PKD1L1: variants seen among roughly 807,000 people sequenced by gnomAD.
The protein encoded by PKD1L1 is polycystin-1-like protein 1.
Under a neutral mutation model 323.4 loss-of-function variants are expected in PKD1L1, and 236 were observed. The observed-to-expected ratio is 0.73, with a 90% CI of 0.66 to 0.81. PKD1L1 has a LOEUF of 0.81. PKD1L1 is among the 40% of genes least tolerant of loss of function. PKD1L1 has a pLI of 0.00. For synonymous variants in PKD1L1, 1,344 were observed against 1,335.0 expected (o/e 1.01, Z -0.15); for missense variants, 3,320 against 3,508.0 (o/e 0.95, Z 1.35).
intron 31 of PKD1L1, among the ~76,000 whole-genome samples, chr7:47,851,464 G>A (rs1785781228): frequency 6.6e-6 from 1 of 152,130 alleles, no homozygotes; most frequent in African/African-American, 2.4e-5. Context: ...AAGAGAGCAA[G>A]AGTAAGACAG....
intron 46 of PKD1L1, among the ~76,000 whole-genome samples, chr7:47,820,683 C>T (rs555828748): frequency 8.6e-5 from 13 of 151,600 alleles, no homozygotes; most frequent in East Asian, 1.9e-4. Context: ...GCTGAGATGG[C>T]GCCATTGCAC....
At position 47,896,517 on chromosome 7, in the gene PKD1L1, C is replaced by T. The variant is rs1583656886; in HGVS notation, c.2271+1471G>A. Among the ~76,000 whole-genome samples, 5 of 151,770 alleles carry T rather than the reference C, an allele frequency of 3.3e-5. 1 individual carries two copies. Among genetic ancestry groups the T allele is most frequent in the Admixed American group, 3.3e-4 (5 of 15,250 alleles). The stretch of plus-strand genomic sequence containing the variant: ...TTAAGTATTTTCTGGGTCCCCTTGG[C>T]CAAGAGGGGATTTGTTTAGTTGTTT... On this transcript the variant is annotated intron_variant, in intron 14 of 56. Coordinates refer to ENST00000289672, the MANE Select transcript of PKD1L1 (RefSeq NM_138295.5).
intron 46 of PKD1L1, 109 bp from the exon 47 acceptor site, chr7:47,815,566 G>A: frequency 3.1e-6 from 4 of 1,281,652 alleles, no homozygotes; most frequent in African/African-American, 1.5e-5. Context: ...CAGATTTCAG[G>A]TACTCTGCAG....
chr7:47,835,013 C>T lies in PKD1L1; in HGVS notation c.6081G>A (p.Glu2027=), dbSNP rs1243760272. The change falls in exon 39 of 57, where the codon GAG becomes GAA. Residue 2027 remains glutamate, a synonymous_variant. Coordinates refer to ENST00000289672, the MANE Select transcript of PKD1L1 (RefSeq NM_138295.5). Reference sequence around the variant, plus strand: ...CTCCTCCTCTAAGTGGGCTGTGTGGCTCCACTCGGGCAGACCCCGGGGCTT... The same window carrying T: ...CTCCTCCTCTAAGTGGGCTGTGTGGTTCCACTCGGGCAGACCCCGGGGCTT... ...SKEAPGSARV[E]PHSPLRGGAQ... 1.2e-6 allele frequency: 2 copies of T among 1,613,860 alleles called. No homozygotes were observed. The highest frequency in any genetic ancestry group is 2.2e-5 in the East Asian group (1 of 44,884).
Position 47,898,116 on chromosome 7 carries a change from A to G in PKD1L1, c.2143T>C (p.Tyr715His). The change falls in exon 14 of 57, where the codon TAC becomes CAC. Residue 715 changes from tyrosine to histidine, a missense_variant. Physicochemically the swap from Tyr to His is moderately conservative, Grantham distance 83. Transcript: ENST00000289672. The stretch of plus-strand genomic sequence containing the variant: ...TCAGAGTCCATCAAGTTCCAGGTGT[A>G]AGAAAGACCTTGGGAAATATCACAG... ...VFCDISQGLS[Y>H]TWNLMDSEGL... 6.2e-7 allele frequency: 1 copy of G among 1,614,162 alleles called. No homozygotes were observed. Among genetic ancestry groups the G allele is most frequent in the Non-Finnish European group, 8.5e-7 (1 of 1,180,004 alleles).
At chr7:47,916,696 C>T (rs1001548401) in intron 7 of PKD1L1, among the ~76,000 whole-genome samples, 1 of 152,148 alleles carries the variant, frequency 6.6e-6, no homozygotes, top group African/African-American at 2.4e-5. Context: ...ATCTGGTAGA[C>T]TCGCTGGGTG....
intron 9 of PKD1L1, among the ~76,000 whole-genome samples, chr7:47,907,643 C>T (rs1209958771): frequency 6.6e-6 from 1 of 152,188 alleles, no homozygotes; most frequent in East Asian, 1.9e-4. Flanking sequence ...TGTTTTAGCT[C>T]AAGGCCATGC....
chr7:47,958,461 A>G, the PKD1L1 span, among the ~76,000 whole-genome samples: 2 of 152,226 alleles, frequency 1.3e-5, no homozygotes, highest in African/African-American at 2.4e-5. Context: ...AAAGACATAG[A>G]TTTAAGACCT....
At chr7:47,909,855 G>T (rs1259557055) in intron 8 of PKD1L1, among the ~76,000 whole-genome samples, 1 of 152,176 alleles carries the variant, frequency 6.6e-6, no homozygotes, top group Non-Finnish European at 1.5e-5. Context: ...GTCTATCTCT[G>T]GGGAAGAATA....
chr7:47,824,405 A>C (rs1785202649), intron 45 of PKD1L1, among the ~76,000 whole-genome samples: 2 of 152,162 alleles, frequency 1.3e-5, no homozygotes, highest in South Asian at 4.1e-4. Flanking sequence ...AGAATTCTTC[A>C]TTTCCTTTAC....
At chr7:47,957,871 A>ATATATATATATATATATATATATATT in the PKD1L1 span, among the ~76,000 whole-genome samples, 1 of 148,040 alleles carries the variant, frequency 6.8e-6, no homozygotes, top group African/African-American at 2.4e-5. Flanking sequence ...AAATATATAT[A>ATATATATATATATATATATATATATT]TATATATCTA....
Position 47,812,026 on chromosome 7 carries a change from G to C in PKD1L1, c.7372C>G (p.Arg2458Gly), listed in dbSNP as rs1232542682. 6.4e-7 allele frequency: 1 copy of C among 1,569,410 alleles called. No individual in the cohort carries two copies. Among genetic ancestry groups the C allele is most frequent in the Middle Eastern group, 1.7e-4 (1 of 6,008 alleles). Residue 2458 changes from arginine (R) to glycine (G), a missense_variant, in exon 50 of 57, where the codon CGA becomes GGA. Transcript: ENST00000289672. ...TRTEAHTALS[R>G]LRASMWIDRS... ...TCAATCCACATGCTGGCCCTGAGTCGGGACAGGGCTGTGTGGGCTTCAGTC... is the reference window on the plus strand; with the variant it reads ...TCAATCCACATGCTGGCCCTGAGTCCGGACAGGGCTGTGTGGGCTTCAGTC...
At chr7:47,836,746 T>A (rs1785464435) in intron 37 of PKD1L1, among the ~76,000 whole-genome samples, 175 bp downstream of exon 37, 1 of 152,176 alleles carries the variant, frequency 6.6e-6, no homozygotes. Flanking sequence ...GGCCACCCAG[T>A]GCCACACCGG....
At position 47,929,480 on chromosome 7, in the gene PKD1L1, C is replaced by T. The variant is rs1280155714; in HGVS notation, c.784G>A (p.Ala262Thr). 6.2e-7 allele frequency: 1 copy of T among 1,614,060 alleles called. No individual in the cohort carries two copies. The highest frequency in any genetic ancestry group is 2.2e-5 in the East Asian group (1 of 44,878). The change falls in exon 7 of 57, where the codon GCA becomes ACA. Residue 262 changes from alanine to threonine, a missense_variant. By Grantham distance (58) the Ala-to-Thr change is moderately conservative (BLOSUM62 0). Transcript: ENST00000289672. The stretch of plus-strand genomic sequence containing the variant: ...AGGATCTCAGAACCAGACTGCGATG[C>T]CGTGAAGCTGGGGGTGCGAGGAATG... ...PGIPRTPSFT[A>T]SQSGSEILYP...
upstream of PKD1L1, among the ~76,000 whole-genome samples, chr7:47,949,368 CAAAAAAAA>C (rs58131581): frequency 1.1e-4 from 6 of 57,138 alleles, no homozygotes; most frequent in Admixed American, 2.6e-4. Flanking sequence ...GGCTCTGTCT[CAAAAAAAA>C]AAAAAAAAAA....
chr7:47,890,658 T>C lies in PKD1L1; in HGVS notation c.2559A>G (p.Ala853=), dbSNP rs892426253. The C allele has an allele frequency of 1.9e-6, 3 of 1,614,152 alleles. No individual in the cohort carries two copies. The African/African-American group carries it at 4.0e-5, about 22-fold the overall frequency. Reference sequence around the variant, plus strand: ...GATCATAGCTGTCACTGAGCCATTGTGCCTCAAAGGAAACAGTGGGAGCCG... The same window carrying C: ...GATCATAGCTGTCACTGAGCCATTGCGCCTCAAAGGAAACAGTGGGAGCCG... The part of the protein sequence containing the change: ...DAAAPTVSFE[A]QWLSDSYDQF... The change falls in exon 16 of 57, where the codon GCA becomes GCG. Residue 853 remains alanine, a synonymous_variant. Coordinates refer to ENST00000289672, the MANE Select transcript of PKD1L1 (RefSeq NM_138295.5).
chr7:47,775,116 T>TA lies in PKD1L1; in HGVS notation c.*26dup. 6.2e-7 allele frequency: 1 copy of TA among 1,612,158 alleles called. No homozygotes were observed. The highest frequency in any genetic ancestry group is 8.5e-7 in the Non-Finnish European group (1 of 1,179,200). ...GGTGGGTTAAGCAAAACAGGGTCCATAGTGCCTATGCAAGGTACCAGGCTC... is the reference window on the plus strand; with the variant it reads ...GGTGGGTTAAGCAAAACAGGGTCCATAAGTGCCTATGCAAGGTACCAGGCTC... On this transcript the variant is annotated 3_prime_UTR_variant, in exon 57 of 57. Transcript: ENST00000289672.
At chr7:47,797,012 A>AC (rs201245637) in intron 54 of PKD1L1, among the ~76,000 whole-genome samples, 8,145 of 151,574 alleles carry the variant, frequency 0.054, 351 homozygotes, top group East Asian at 0.19. Context: ...AAAAAAAAAA[A>AC]AAAACACCCA....
chr7:47,801,549 G>A (rs1784662799), intron 53 of PKD1L1, among the ~76,000 whole-genome samples: 1 of 152,132 alleles, frequency 6.6e-6, no homozygotes, highest in Non-Finnish European at 1.5e-5. Flanking sequence ...TGTGTAGACT[G>A]TGGACGGGCC....
Sources: allele counts gnomAD v4.1 joint callset (sites outside exome capture counted in the v4.1 genomes callset), GRCh38; gene constraint gnomAD v4.1.1; transcripts MANE v1.5; gene names NCBI Gene and HGNC (gene_info 2026-07-23, HGNC 2026-07-21).